Variants in NIPBL observed in about 807,000 individuals in gnomAD.
NIPBL encodes the protein NIPBL cohesin loading factor.
Under a neutral mutation model 321.8 loss-of-function variants are expected in NIPBL, and 19 were observed. That is an observed-to-expected ratio of 0.06 (90% CI 0.04 to 0.09). The LOEUF (loss-of-function observed/expected upper bound fraction) is 0.09, where lower values mean the gene tolerates loss of function less well. NIPBL is among the 10% of genes least tolerant of loss of function. The pLI is 1.00. For synonymous variants in NIPBL, 1,106 were observed against 1,114.1 expected (o/e 0.99, Z 0.14); for missense variants, 2,210 against 3,327.0 (o/e 0.66, Z 8.26).
chr5:37,064,378 G>A (rs999221883), intron 46 of NIPBL, 149 bp from the exon 47 acceptor site: 197 of 1,516,046 alleles, frequency 1.3e-4, no homozygotes, highest in Non-Finnish European at 1.7e-4. Flanking sequence ...TGGCGCTGGC[G>A]GTCACGGTGC....
chr5:36,891,652 A>T (rs1360714833), intron 1 of NIPBL, among the ~76,000 whole-genome samples: 1 of 152,188 alleles, frequency 6.6e-6, no homozygotes, highest in African/African-American at 2.4e-5. Context: ...ACAGATTATG[A>T]AGGAGTGGAT....
In NIPBL at chr5:36,876,856, A is replaced by G; in HGVS notation, c.-402A>G. The G allele has an allele frequency of 1.1e-5, 1 of 88,258 alleles. No individual in the cohort carries two copies. The highest frequency in any genetic ancestry group is 3.9e-4 in the South Asian group (1 of 2,542). 5.5% of individuals were successfully genotyped at this position (88,258 alleles called of 1,614,324 possible). ...CCCTCCCCCCCCTCCCTCCGTCGGT[A>G]CCGACTCACCCGACACCACCAAGCC... On this transcript the variant is annotated 5_prime_UTR_variant, in exon 1 of 47. Coordinates refer to ENST00000282516, the MANE Select transcript of NIPBL (RefSeq NM_133433.4).
chr5:37,039,841 G>A (rs949630618), intron 34 of NIPBL, among the ~76,000 whole-genome samples: 4 of 152,046 alleles, frequency 2.6e-5, no homozygotes, highest in Non-Finnish European at 5.9e-5. Flanking sequence ...AAAACAACAT[G>A]CATTTACTTC....
intron 21 of NIPBL, among the ~76,000 whole-genome samples, chr5:37,013,491 C>T (rs1291020564): frequency 6.0e-5 from 9 of 150,478 alleles, no homozygotes; most frequent in East Asian, 2.0e-4. Flanking sequence ...ACTTCTCAGA[C>T]GGGGCGGTTG....
chr5:37,052,941 TC>T (rs989176858), intron 42 of NIPBL, among the ~76,000 whole-genome samples: 13 of 152,214 alleles, frequency 8.5e-5, no homozygotes, highest in Non-Finnish European at 1.8e-4. Context: ...CCCTAGTTGT[TC>T]AACTTGATTT....
intron 32 of NIPBL, among the ~76,000 whole-genome samples, chr5:37,032,075 C>T (rs1751090135): frequency 6.6e-6 from 1 of 152,130 alleles, no homozygotes; most frequent in African/African-American, 2.4e-5. Context: ...CTACTCCAGA[C>T]TTAATTCATC....
chr5:36,990,556 A>C (rs1220827255), intron 10 of NIPBL, among the ~76,000 whole-genome samples: 3 of 152,194 alleles, frequency 2.0e-5, no homozygotes, highest in African/African-American at 7.2e-5. Context: ...TAAAAACTCA[A>C]ATTTTCAGTT....
At chr5:36,964,172 TAGTC>T (rs1442621551) in intron 6 of NIPBL, among the ~76,000 whole-genome samples, 5 of 152,104 alleles carry the variant, frequency 3.3e-5, no homozygotes, top group Non-Finnish European at 7.4e-5. Flanking sequence ...TAAAAAAATT[TAGTC>T]AGTACTACCC....
At chr5:36,983,665 A>C (rs1446031750) in intron 9 of NIPBL, among the ~76,000 whole-genome samples, 1 of 152,016 alleles carries the variant, frequency 6.6e-6, no homozygotes, top group Non-Finnish European at 1.5e-5. Context: ...AAGGTGCTAT[A>C]ATGTAACCAT....
chr5:37,051,966 C>A, intron 41 of NIPBL, 80 bp downstream of exon 41: 1 of 985,208 alleles, frequency 1.0e-6, no homozygotes. Flanking sequence ...GCTCTGCCCA[C>A]ATTCATAATT....
intron 21 of NIPBL, among the ~76,000 whole-genome samples, chr5:37,013,801 G>A (rs79051435): frequency 0.033 from 5,042 of 152,272 alleles, 110 homozygotes; most frequent in South Asian, 0.06. Context: ...CTTCCCAGAC[G>A]GGTTGGCGGC....
At chr5:37,005,713 A>G (rs1747350007) in intron 16 of NIPBL, among the ~76,000 whole-genome samples, 1 of 152,164 alleles carries the variant, frequency 6.6e-6, no homozygotes, top group Non-Finnish European at 1.5e-5. Flanking sequence ...ATAACTAAAG[A>G]TGTGATAGAA....
At chr5:36,958,643 C>T (rs771225336) in intron 4 of NIPBL, among the ~76,000 whole-genome samples, 1 of 151,920 alleles carries the variant, frequency 6.6e-6, no homozygotes, top group Admixed American at 6.6e-5. Context: ...ATTTAATACT[C>T]CTGTTGCCTT....
At chr5:36,936,654 C>T (rs1372382468) in intron 1 of NIPBL, among the ~76,000 whole-genome samples, 2 of 152,102 alleles carry the variant, frequency 1.3e-5, no homozygotes, top group African/African-American at 2.4e-5. Flanking sequence ...TTCTCACTAC[C>T]ATCCCATTTT....
intron 1 of NIPBL, among the ~76,000 whole-genome samples, chr5:36,952,075 T>TGCGC (rs1234932272): frequency 1.9e-5 from 2 of 106,014 alleles, no homozygotes; most frequent in African/African-American, 3.5e-5. Flanking sequence ...CGCGCGCGCA[T>TGCGC]GTGTGTGTGT....
In NIPBL at chr5:36,958,942, C is replaced by CA. The variant is rs1342450013; in HGVS notation, c.358+712dup. Among the ~76,000 whole-genome samples, 7 of 152,250 alleles carry CA rather than the reference C, an allele frequency of 4.6e-5. No individual in the cohort carries two copies. The South Asian group carries it at 1.2e-3, about 27-fold the overall frequency. On this transcript the variant is annotated intron_variant, in intron 4 of 46. Transcript: ENST00000282516. ...ATTTTATCAGCCGGGCATGGTGACT[C>CA]ACGCCTGTAATCCCAGCACTTTTGG...
chr5:36,962,308 T>C, intron 6 of NIPBL, 34 bp downstream of exon 6: 2 of 1,611,652 alleles, frequency 1.2e-6, no homozygotes, highest in Non-Finnish European at 1.7e-6. Context: ...ACTGGGAATG[T>C]CTAAGTGCTT....
chr5:37,061,774 T>C (rs1451478484), intron 45 of NIPBL, among the ~76,000 whole-genome samples: 1 of 152,242 alleles, frequency 6.6e-6, no homozygotes, highest in Non-Finnish European at 1.5e-5. Flanking sequence ...TAATACCTAA[T>C]ACAATGTAAA....
At chr5:37,018,759 C>T (rs939463683) in intron 24 of NIPBL, among the ~76,000 whole-genome samples, 4 of 152,134 alleles carry the variant, frequency 2.6e-5, no homozygotes, top group Non-Finnish European at 5.9e-5. Context: ...GAAGATTTAA[C>T]ACATTTTTCT....
Sources: allele counts gnomAD v4.1 joint callset (sites outside exome capture counted in the v4.1 genomes callset), GRCh38; gene constraint gnomAD v4.1.1; transcripts MANE v1.5; gene names NCBI Gene and HGNC (gene_info 2026-07-23, HGNC 2026-07-21).